Variants in PTPN12 observed in about 807,000 individuals in gnomAD.
PTPN12 encodes the protein tyrosine-protein phosphatase non-receptor type 12.
PTPN12 carries 29 observed loss-of-function variants against 97.6 expected under a neutral mutation model. The ratio of observed to expected loss-of-function variants is 0.30; its 90% CI spans 0.22 to 0.41. The LOEUF (loss-of-function observed/expected upper bound fraction) is 0.41. Ranked by LOEUF, PTPN12 falls within the 10% of genes least tolerant of loss-of-function variation. PTPN12 has a pLI of 1.00. For synonymous variants in PTPN12, 327 were observed against 300.4 expected, an observed-to-expected ratio of 1.09 and a Z score of -0.91; for missense variants, 819 against 926.0, an observed-to-expected ratio of 0.88 and a Z score of 1.50.
intron 1 of PTPN12, among the ~76,000 whole-genome samples, chr7:77,560,685 A>G (rs188345295): frequency 6.6e-6 from 1 of 152,096 alleles, no homozygotes; most frequent in East Asian, 1.9e-4. Flanking sequence ...TTCAGTTAGC[A>G]TAATGTCCTC....
At chr7:77,599,255 C>T (rs1470790966) in intron 7 of PTPN12, among the ~76,000 whole-genome samples, 1 of 150,250 alleles carries the variant, frequency 6.7e-6, no homozygotes, top group African/African-American at 2.4e-5. Context: ...AAGTCACTAT[C>T]AAAGCTAAGT....
intron 1 of PTPN12, among the ~76,000 whole-genome samples, chr7:77,554,204 A>G (rs774985211): frequency 1.1e-4 from 16 of 152,138 alleles, no homozygotes; most frequent in African/African-American, 3.1e-4. Flanking sequence ...GCCTCAAGCA[A>G]TCCTCCTGCC....
chr7:77,576,717 G>A (rs1787354894), intron 2 of PTPN12, among the ~76,000 whole-genome samples: 1 of 152,132 alleles, frequency 6.6e-6, no homozygotes, highest in African/African-American at 2.4e-5. Context: ...GAGCACCAAT[G>A]AAGAATATTA....
intron 5 of PTPN12, among the ~76,000 whole-genome samples, chr7:77,588,934 G>A (rs184255171): frequency 5.3e-5 from 8 of 152,182 alleles, no homozygotes; most frequent in Admixed American, 2.6e-4. Flanking sequence ...GTGCAGTGGC[G>A]CGATCTCGGC....
At chr7:77,614,371 G>A (rs868767991) in intron 11 of PTPN12, among the ~76,000 whole-genome samples, 5 of 151,672 alleles carry the variant, frequency 3.3e-5, no homozygotes, top group Non-Finnish European at 7.4e-5. Context: ...TTCTATCATA[G>A]GCTCTTTCTG....
intron 5 of PTPN12, among the ~76,000 whole-genome samples, chr7:77,588,607 G>A (rs1787767696): frequency 6.6e-6 from 1 of 152,154 alleles, no homozygotes; most frequent in Non-Finnish European, 1.5e-5. Context: ...CGATATACTT[G>A]CTTGGTGCAG....
At chr7:77,588,890 T>A (rs1787777030) in intron 5 of PTPN12, among the ~76,000 whole-genome samples, 2 of 152,174 alleles carry the variant, frequency 1.3e-5, no homozygotes, top group Admixed American at 1.3e-4. Flanking sequence ...TTTGAGACTG[T>A]GAGACAGAAT....
At position 77,567,748 on chromosome 7, in the gene PTPN12, G is replaced by A. The variant is rs117687222; in HGVS notation, c.100-3330G>A. On this transcript the variant is annotated intron_variant, in intron 1 of 17. Coordinates refer to ENST00000248594, the MANE Select transcript of PTPN12 (RefSeq NM_002835.4). ...CTTTCTGATCTTTGATCTAGGAAAGGTTTTAAAGAAATAAATCTGAAGTAA... is the reference window on the plus strand; with the variant it reads ...CTTTCTGATCTTTGATCTAGGAAAGATTTTAAAGAAATAAATCTGAAGTAA... Among the ~76,000 whole-genome samples the A allele has an allele frequency of 9.0e-3, 1,364 of 152,286 alleles. 11 individuals are homozygous for A. The highest frequency in any genetic ancestry group is 0.015 in the Non-Finnish European group (1,036 of 68,006).
intron 12 of PTPN12, among the ~76,000 whole-genome samples, chr7:77,625,563 C>CTT (rs761274993): frequency 0.033 from 918 of 27,780 alleles, 336 homozygotes; most frequent in East Asian, 0.16. Context: ...CGCTCTCTCT[C>CTT]TCTTTTTTTT....
chr7:77,601,298 C>T (rs1482319993), intron 8 of PTPN12, among the ~76,000 whole-genome samples: 1 of 152,144 alleles, frequency 6.6e-6, no homozygotes, highest in Non-Finnish European at 1.5e-5. Flanking sequence ...TGACGTGATC[C>T]TTCTGCCTCA....
chr7:77,591,211 A>G (rs918831500), intron 5 of PTPN12, among the ~76,000 whole-genome samples: 1 of 152,184 alleles, frequency 6.6e-6, no homozygotes, highest in Non-Finnish European at 1.5e-5. Context: ...TTCAGCCTAT[A>G]GGTAATAACT....
chr7:77,589,006 G>A (rs1396117639), intron 5 of PTPN12, among the ~76,000 whole-genome samples: 2 of 152,006 alleles, frequency 1.3e-5, no homozygotes, highest in East Asian at 3.9e-4. Flanking sequence ...CCGAGTAGCT[G>A]GGACTACAGG....
rs1789616981 is a variant in PTPN12 at position 77,637,009 on chromosome 7, T to C, written c.2143-9T>C. On this transcript the variant is annotated splice_polypyrimidine_tract_variant and intron_variant, in intron 15 of 17. Transcript: ENST00000248594. ...GTATTGTAATAGGTATTAAATGTCT[T>C]CCTCGTAGGGCTTGATAACCTCTGA... 3.1e-6 allele frequency: 5 copies of C among 1,605,500 alleles called. 1 individual carries two copies. In the South Asian group the frequency reaches 5.5e-5, roughly 18 times the overall value.
At chr7:77,625,336 G>C (rs980115302) in intron 12 of PTPN12, among the ~76,000 whole-genome samples, 2 of 146,864 alleles carry the variant, frequency 1.4e-5, no homozygotes. Context: ...CTGCAGCCTT[G>C]ACCTCCCCAG....
intron 12 of PTPN12, among the ~76,000 whole-genome samples, chr7:77,620,792 A>AG (rs1788906376): frequency 6.6e-6 from 1 of 152,096 alleles, no homozygotes; most frequent in African/African-American, 2.4e-5. Context: ...TACTAAAAAT[A>AG]GAAAAATTAG....
intron 6 of PTPN12, among the ~76,000 whole-genome samples, chr7:77,596,490 C>T (rs1788027176): frequency 6.6e-6 from 1 of 152,184 alleles, no homozygotes; most frequent in Non-Finnish European, 1.5e-5. Context: ...ACTATATAGC[C>T]TTGGCCTCAC....
chr7:77,602,021 C>T (rs1005168956), intron 8 of PTPN12, among the ~76,000 whole-genome samples: 4 of 152,108 alleles, frequency 2.6e-5, no homozygotes, highest in Non-Finnish European at 4.4e-5. Context: ...TTAAATTGCA[C>T]AATATAAATC....
intron 16 of PTPN12, among the ~76,000 whole-genome samples, chr7:77,637,944 AATTTT>A (rs1789661462): frequency 1.1e-5 from 1 of 89,506 alleles, no homozygotes; most frequent in East Asian, 4.2e-4. Context: ...GATTTCTTAA[AATTTT>A]TTTTTTTTTT....
intron 2 of PTPN12, among the ~76,000 whole-genome samples, chr7:77,575,645 G>A (rs1787318206): frequency 6.6e-6 from 1 of 152,080 alleles, no homozygotes; most frequent in Admixed American, 6.6e-5. Context: ...TTTTAATTGT[G>A]CAATTCAATG....
Sources: allele counts gnomAD v4.1 joint callset (sites outside exome capture counted in the v4.1 genomes callset), GRCh38; gene constraint gnomAD v4.1.1; transcripts MANE v1.5; gene names NCBI Gene and HGNC (gene_info 2026-07-23, HGNC 2026-07-21).